The following TNFSF4 variants were observed in gnomAD, a reference collection of about 807,000 sequenced individuals.
TNFSF4 encodes tumor necrosis factor ligand superfamily member 4.
TNFSF4 carries 4 observed loss-of-function variants against 7.3 expected under a neutral mutation model. The ratio of observed to expected loss-of-function variants is 0.55; its 90% CI spans 0.27 to 1.25. The LOEUF is 1.25. Ranked by LOEUF, TNFSF4 falls within the 50% of genes most tolerant of loss-of-function variation. The pLI is 0.12. For missense variants in TNFSF4, 181 were observed against 208.8 expected (o/e 0.87, Z 0.82); for synonymous variants, 76 against 83.7 (o/e 0.91, Z 0.50).
At chr1:173,173,122 A>G in the TNFSF4 span, among the ~76,000 whole-genome samples, 1 of 152,166 alleles carries the variant, frequency 6.6e-6, no homozygotes, top group African/African-American at 2.4e-5. Context: ...GTCTCTCCCC[A>G]ACATGTAGGG....
the TNFSF4 span, among the ~76,000 whole-genome samples, chr1:173,353,302 A>G: frequency 8.0e-3 from 1,220 of 152,332 alleles, 23 homozygotes; most frequent in African/African-American, 0.025. Flanking sequence ...TGCAGTAAAG[A>G]CAGGCATAAG....
At chr1:173,294,385 G>A in the TNFSF4 span, among the ~76,000 whole-genome samples, 85,114 of 151,722 alleles carry the variant, frequency 0.56, 24,219 homozygotes, top group Middle Eastern at 0.67. Context: ...TCTCACTTAC[G>A]AGTAGGAGTT....
At chr1:173,269,434 C>T in the TNFSF4 span, among the ~76,000 whole-genome samples, 4 of 152,110 alleles carry the variant, frequency 2.6e-5, no homozygotes, top group South Asian at 2.1e-4. Flanking sequence ...AGAACTTCCA[C>T]GTTTTCACTT....
At chr1:173,364,928 T>A in the TNFSF4 span, among the ~76,000 whole-genome samples, 1 of 150,888 alleles carries the variant, frequency 6.6e-6, no homozygotes, top group African/African-American at 2.4e-5. Flanking sequence ...GAAAAAGAAA[T>A]CACAAAAAAA....
In TNFSF4 at chr1:173,193,768, CAA is replaced by C. The variant is rs34461114; in HGVS notation, c.154-5201_154-5200del. Among the ~76,000 whole-genome samples the C allele has an allele frequency of 9.4e-4, 96 of 101,814 alleles. 1 individual carries two copies. In the East Asian group the frequency reaches 0.016, roughly 17 times the overall value. 66.8% of individuals were successfully genotyped at this position (101,814 alleles called of 152,430 possible). ...GGTTTCAGGGCTCCCATAAGTGAAG[CAA>C]AAAAAAAAAAAAAAAGGAACAATCA... On this transcript the variant is annotated intron_variant, in intron 1 of 2. Coordinates refer to ENST00000281834, the MANE Select transcript of TNFSF4 (RefSeq NM_003326.5).
the TNFSF4 span, among the ~76,000 whole-genome samples, chr1:173,292,620 G>A: frequency 2.0e-5 from 3 of 151,368 alleles, no homozygotes; most frequent in South Asian, 4.2e-4. Context: ...ATTCAACGTA[G>A]TACTGGAAGT....
chr1:173,369,867 T>C, the TNFSF4 span, among the ~76,000 whole-genome samples: 13 of 152,018 alleles, frequency 8.6e-5, no homozygotes, highest in African/African-American at 2.7e-4. Context: ...GAATACACAC[T>C]ATGCAAAGCT....
Sources: allele counts gnomAD v4.1 joint callset (sites outside exome capture counted in the v4.1 genomes callset), GRCh38; gene constraint gnomAD v4.1.1; transcripts MANE v1.5; gene names NCBI Gene and HGNC (gene_info 2026-07-23, HGNC 2026-07-21).